SYN3: variants seen among roughly 807,000 people sequenced by gnomAD.
SYN3 encodes the protein synapsin-3.
SYN3 carries 35 observed loss-of-function variants against 65.8 expected under a neutral mutation model. The observed-to-expected ratio is 0.53, with a 90% confidence interval of 0.41 to 0.70. The LOEUF is 0.70. Ranked by LOEUF, SYN3 falls within the 30% of genes least tolerant of loss-of-function variation. The pLI, the probability that SYN3 is intolerant of heterozygous loss-of-function variation, is 0.00. For missense variants in SYN3, 680 were observed against 749.0 expected (o/e 0.91, Z 1.08); for synonymous variants, 270 against 292.9 (o/e 0.92, Z 0.80).
At chr22:32,926,985 A>G (rs2050490863) in intron 4 of SYN3, among the ~76,000 whole-genome samples, 1 of 152,178 alleles carries the variant, frequency 6.6e-6, no homozygotes. Context: ...GAACAAGAAT[A>G]TGGGCTTGGG....
intron 6 of SYN3, among the ~76,000 whole-genome samples, chr22:32,681,713 C>A (rs1601904210): frequency 1.3e-5 from 2 of 152,288 alleles, no homozygotes; most frequent in East Asian, 3.9e-4. Flanking sequence ...ATGCACCAGG[C>A]AGTGTTCTAA....
At chr22:32,888,051 T>A (rs1317430310) in intron 4 of SYN3, among the ~76,000 whole-genome samples, 1 of 152,182 alleles carries the variant, frequency 6.6e-6, no homozygotes, top group Non-Finnish European at 1.5e-5. Context: ...ATTATAGTTT[T>A]TATTTTTATT....
intron 7 of SYN3, among the ~76,000 whole-genome samples, chr22:32,564,552 G>A (rs1346921395): frequency 4.6e-5 from 7 of 152,020 alleles, no homozygotes; most frequent in African/African-American, 7.2e-5. Flanking sequence ...CAATGCTCCC[G>A]GACTGTACAC....
At chr22:32,709,581 CA>C (rs1284489851) in intron 6 of SYN3, among the ~76,000 whole-genome samples, 2 of 152,042 alleles carry the variant, frequency 1.3e-5, no homozygotes, top group Non-Finnish European at 2.9e-5. Context: ...GAAAAAATTC[CA>C]AATGTGAAAG....
At chr22:32,697,473 T>C (rs2060752168) in intron 6 of SYN3, among the ~76,000 whole-genome samples, 1 of 152,198 alleles carries the variant, frequency 6.6e-6, no homozygotes, top group Non-Finnish European at 1.5e-5. Context: ...GTAAGAGGCA[T>C]TCCATATTTT....
At chr22:32,859,545 T>C (rs1278482388) in intron 6 of SYN3, 1 of 865,266 alleles carries the variant, frequency 1.2e-6, no homozygotes, top group Non-Finnish European at 1.7e-6. Flanking sequence ...TATTGGGAAC[T>C]ATCCTCCTGG....
intron 1 of SYN3, among the ~76,000 whole-genome samples, chr22:33,037,549 G>A (rs930540731): frequency 5.9e-5 from 9 of 152,194 alleles, no homozygotes; most frequent in Non-Finnish European, 1.2e-4. Context: ...CCAGGCACTT[G>A]GCTAGGCAGT....
rs543479150 is a variant in SYN3, at chr22:32,837,167, G to A, written c.711+27748C>T. ...TCAAAAATGCCCCGACCTGAAAGCT[G>A]GAAGTTCTGAGAACCGTTTGAGGGC... On this transcript the variant is annotated intron_variant, in intron 6 of 13. Coordinates refer to ENST00000358763, the MANE Select transcript of SYN3 (RefSeq NM_003490.4). The surrounding 1 kb of genome is among the most constrained non-coding windows in gnomAD (Gnocchi z 4.1). Among the ~76,000 whole-genome samples, 4 of 152,338 alleles carry A rather than the reference G, an allele frequency of 2.6e-5. No homozygotes were observed. The South Asian group carries it at 8.3e-4, about 32-fold the overall frequency.
intron 6 of SYN3, among the ~76,000 whole-genome samples, chr22:32,615,432 TAAAA>T: frequency 1.3e-5 from 1 of 74,404 alleles, no homozygotes; most frequent in African/African-American, 6.6e-5. Flanking sequence ...AGACTTCATC[TAAAA>T]AAAAAAAAAA....
Position 32,671,728 on chromosome 22 carries a change from TAC to T in SYN3, c.712-74994_712-74993del, listed in dbSNP as rs368754010. Among the ~76,000 whole-genome samples the T allele has an allele frequency of 2.9e-4, 35 of 119,648 alleles. No homozygotes were observed. The South Asian group carries it at 4.7e-3, about 16-fold the overall frequency. 78.5% of individuals were successfully genotyped at this position (119,648 alleles called of 152,430 possible). A position where few individuals can be genotyped will look rare whatever the true frequency, so the allele number is the denominator to read the frequency against. The stretch of plus-strand genomic sequence containing the variant: ...AGGTGCACACACATGCTCTCACAGG[TAC>T]ACACACATGCTATCACACAGGTGCA... On this transcript the variant is annotated intron_variant, in intron 6 of 13. Coordinates refer to ENST00000358763, the MANE Select transcript of SYN3 (RefSeq NM_003490.4).
chr22:32,788,014 G>A (rs1165235280), intron 6 of SYN3, among the ~76,000 whole-genome samples: 7 of 152,170 alleles, frequency 4.6e-5, no homozygotes, highest in Non-Finnish European at 8.8e-5. Context: ...CACAGCAGGG[G>A]CAATGCCACG....
At chr22:32,687,458 C>T (rs1296411359) in intron 6 of SYN3, among the ~76,000 whole-genome samples, 2 of 152,144 alleles carry the variant, frequency 1.3e-5, no homozygotes, top group Admixed American at 6.5e-5. Context: ...GCACCACGCC[C>T]GGCCGGTCTC....
chr22:32,661,600 T>C (rs1041859308), intron 6 of SYN3, among the ~76,000 whole-genome samples: 10 of 152,286 alleles, frequency 6.6e-5, no homozygotes, highest in Middle Eastern at 3.4e-3. Flanking sequence ...GTTTTCATCA[T>C]TGGCTCCACA....
intron 6 of SYN3, among the ~76,000 whole-genome samples, chr22:32,808,489 G>T (rs571773049): frequency 1.3e-5 from 2 of 152,314 alleles, no homozygotes; most frequent in South Asian, 2.1e-4. Flanking sequence ...GTTTAGGAAA[G>T]AATTCCTGTT....
intron 6 of SYN3, among the ~76,000 whole-genome samples, chr22:32,854,032 T>C (rs2048295831): frequency 6.6e-6 from 1 of 152,222 alleles, no homozygotes; most frequent in South Asian, 2.1e-4. Context: ...ATTCTAGGAT[T>C]CTCTGATGTC....
intron 6 of SYN3, among the ~76,000 whole-genome samples, chr22:32,827,843 T>G (rs1222094635): frequency 1.3e-5 from 2 of 152,156 alleles, no homozygotes; most frequent in African/African-American, 2.4e-5. Context: ...CTTTTGAACT[T>G]GCTGTCCTCT....
At chr22:32,609,690 CTTTGTTGCCCAGGCTGGA>C (rs2059415773) in intron 6 of SYN3, among the ~76,000 whole-genome samples, 1 of 152,032 alleles carries the variant, frequency 6.6e-6, no homozygotes, top group Non-Finnish European at 1.5e-5. Context: ...CAGGGTCTCG[CTTTGTTGCCCAGGCTGGA>C]CTCAAACTCC....
chr22:32,940,030 T>C (rs2050891134), intron 3 of SYN3, among the ~76,000 whole-genome samples: 1 of 152,202 alleles, frequency 6.6e-6, no homozygotes, highest in African/African-American at 2.4e-5. Context: ...TCAAAGTTTT[T>C]AATTTTAGCC....
chr22:33,023,628 A>G (rs1157380602), intron 1 of SYN3, among the ~76,000 whole-genome samples: 1 of 152,082 alleles, frequency 6.6e-6, no homozygotes, highest in Non-Finnish European at 1.5e-5. Context: ...AGGTGGGAGG[A>G]TTGCTTGAGC....
Sources: gnomAD v4.1 joint callset for allele counts (sites outside exome capture counted in the v4.1 genomes callset) on GRCh38, gnomAD v4.1.1 for gene constraint, Gnocchi (gnomAD v3.1) non-coding constraint, MANE v1.5 for transcripts, NCBI Gene and HGNC (gene_info 2026-07-23, HGNC 2026-07-21) for gene names.